The following HPSE2 variants were observed in gnomAD, a reference collection of about 807,000 sequenced individuals.
HPSE2 encodes the protein inactive heparanase-2.
Under a neutral mutation model 60.5 loss-of-function variants are expected in HPSE2, and 38 were observed. The observed-to-expected ratio is 0.63, with a 90% CI of 0.48 to 0.82. HPSE2 has a LOEUF of 0.82. Ranked by LOEUF, HPSE2 falls within the 40% of genes least tolerant of loss-of-function variation. HPSE2 has a pLI of 0.00. For missense variants in HPSE2, 713 were observed against 740.4 expected, an observed-to-expected ratio of 0.96 and a Z score of 0.43; for synonymous variants, 295 against 293.2, an observed-to-expected ratio of 1.01 and a Z score of -0.06.
rs114187994 is a variant in HPSE2, at chr10:98,604,427, T to C, written c.1320+10477A>G. Among the ~76,000 whole-genome samples, 300 of 152,166 alleles carry C rather than the reference T, an allele frequency of 2.0e-3. 2 individuals carry two copies. Among genetic ancestry groups the C allele is most frequent in the African/African-American group, 6.7e-3 (278 of 41,526 alleles). ...ATCTCTGAATTTGAGGATATATCAA[T>C]AGAAATCTCCCAAATTGAACAGCAA... is the stretch of plus-strand genomic sequence containing the variant. On this transcript the variant is annotated intron_variant, in intron 9 of 11. Coordinates refer to ENST00000370552, the MANE Select transcript of HPSE2 (RefSeq NM_021828.5).
intron 3 of HPSE2, among the ~76,000 whole-genome samples, chr10:98,881,239 C>A (rs1953014507): frequency 6.6e-6 from 1 of 152,024 alleles, no homozygotes; most frequent in Admixed American, 6.6e-5. Flanking sequence ...AAGCAGTTGG[C>A]TCTGTTCTTA....
intron 3 of HPSE2, among the ~76,000 whole-genome samples, chr10:98,925,217 T>A (rs1180454020): frequency 1.3e-5 from 2 of 152,174 alleles, no homozygotes; most frequent in Admixed American, 1.3e-4. Flanking sequence ...GCACACTTGA[T>A]TGTTGGTTTT....
chr10:98,879,846 CATGTGCGTGTGTGT>C (rs1175675686), intron 3 of HPSE2, among the ~76,000 whole-genome samples: 2 of 104,320 alleles, frequency 1.9e-5, no homozygotes, highest in Non-Finnish European at 4.1e-5. Flanking sequence ...AGTTGGTGTG[CATGTGCGTGTGTGT>C]GTGTGTGTGT....
chr10:99,178,930 T>A (rs1282356264), intron 2 of HPSE2, among the ~76,000 whole-genome samples: 1 of 152,214 alleles, frequency 6.6e-6, no homozygotes, highest in Non-Finnish European at 1.5e-5. Context: ...CACGATCAAG[T>A]TGGCTTCATC....
intron 3 of HPSE2, among the ~76,000 whole-genome samples, chr10:98,749,464 T>C (rs1949703981): frequency 1.3e-5 from 2 of 151,334 alleles, no homozygotes; most frequent in South Asian, 4.2e-4. Context: ...CATGCATATA[T>C]ACATATATAC....
intron 9 of HPSE2, among the ~76,000 whole-genome samples, chr10:98,587,623 T>G (rs1244699126): frequency 6.6e-6 from 1 of 152,164 alleles, no homozygotes; most frequent in Non-Finnish European, 1.5e-5. Flanking sequence ...TTGAGTACAA[T>G]TCCTCCTCTT....
chr10:99,004,851 C>A (rs1457884446), intron 3 of HPSE2, among the ~76,000 whole-genome samples: 2 of 152,114 alleles, frequency 1.3e-5, no homozygotes. Flanking sequence ...ACTCCCTCAG[C>A]TTTTATTTGT....
At chr10:98,690,414 A>G (rs139063452) in intron 6 of HPSE2, among the ~76,000 whole-genome samples, 53,477 of 151,660 alleles carry the variant, frequency 0.35, 9,615 homozygotes, top group Admixed American at 0.41. Context: ...GGTGGTGGGT[A>G]CCTGTAGTCC....
intron 3 of HPSE2, among the ~76,000 whole-genome samples, chr10:99,057,209 A>G (rs1958134234): frequency 1.3e-5 from 2 of 152,142 alleles, no homozygotes; most frequent in Non-Finnish European, 2.9e-5. Flanking sequence ...ATTTTACTTC[A>G]ATTTTTTAAA....
At chr10:99,134,478 C>T (rs1845566630) in intron 3 of HPSE2, among the ~76,000 whole-genome samples, 1 of 152,138 alleles carries the variant, frequency 6.6e-6, no homozygotes, top group Non-Finnish European at 1.5e-5. Context: ...AGAGAAAGTT[C>T]GGGTTACCCA....
At chr10:99,266,505 GA>G in the HPSE2 span, among the ~76,000 whole-genome samples, 34 of 152,028 alleles carry the variant, frequency 2.2e-4, no homozygotes, top group Non-Finnish European at 4.6e-4. Context: ...TACCCAAGGA[GA>G]GTCTCAGCTC....
chr10:98,917,877 T>G (rs1042987619), intron 3 of HPSE2, among the ~76,000 whole-genome samples: 1 of 152,226 alleles, frequency 6.6e-6, no homozygotes, highest in African/African-American at 2.4e-5. Context: ...GGAATTTTAA[T>G]GAAGAGCCAG....
In HPSE2 at chr10:98,571,208, T is replaced by C. The variant is rs77300763; in HGVS notation, c.1320+43696A>G. The stretch of plus-strand genomic sequence containing the variant: ...CTGCCTGGTACAATAATCCTGTGGA[T>C]TAAGCATGGGGACCTGCCAGGCATG... On this transcript the variant is annotated intron_variant, in intron 9 of 11. Coordinates refer to ENST00000370552, the MANE Select transcript of HPSE2 (RefSeq NM_021828.5). Among the ~76,000 whole-genome samples, 1,013 of 152,246 alleles carry C rather than the reference T, an allele frequency of 6.7e-3. 18 individuals carry two copies. Among genetic ancestry groups the C allele is most frequent in the Admixed American group, 0.029 (443 of 15,278 alleles).
intron 6 of HPSE2, among the ~76,000 whole-genome samples, chr10:98,677,250 T>C (rs7090554): frequency 0.35 from 53,762 of 152,118 alleles, 9,735 homozygotes; most frequent in Admixed American, 0.41. Flanking sequence ...ACATAGTAGG[T>C]GCTCAGTAAC....
chr10:98,579,864 A>G (rs1458048498), intron 9 of HPSE2, among the ~76,000 whole-genome samples: 1 of 152,150 alleles, frequency 6.6e-6, no homozygotes, highest in Non-Finnish European at 1.5e-5. Flanking sequence ...TCTCTAATAT[A>G]CTACCTGTTT....
At chr10:99,099,262 A>G (rs185902876) in intron 3 of HPSE2, among the ~76,000 whole-genome samples, 11 of 152,316 alleles carry the variant, frequency 7.2e-5, no homozygotes, top group Admixed American at 7.2e-4. Flanking sequence ...GCTGTGACAG[A>G]CGGCACCTGG....
intron 3 of HPSE2, among the ~76,000 whole-genome samples, chr10:98,923,976 C>T (rs1954368564): frequency 6.6e-6 from 1 of 152,120 alleles, no homozygotes. Flanking sequence ...AGTTCTTTGG[C>T]ATCTGGGCAT....
At chr10:98,732,051 A>G (rs1949241626) in intron 4 of HPSE2, among the ~76,000 whole-genome samples, 1 of 152,202 alleles carries the variant, frequency 6.6e-6, no homozygotes, top group Non-Finnish European at 1.5e-5. Context: ...CATCAAAAAG[A>G]ATAGTATACT....
intron 3 of HPSE2, among the ~76,000 whole-genome samples, chr10:98,985,110 G>A (rs182366742): frequency 5.0e-4 from 76 of 152,250 alleles, no homozygotes; most frequent in Admixed American, 2.5e-3. Context: ...AGCAAGGCAC[G>A]CCAACATTCA....
Sources: allele counts gnomAD v4.1 joint callset (sites outside exome capture counted in the v4.1 genomes callset), GRCh38; gene constraint gnomAD v4.1.1; transcripts MANE v1.5; gene names NCBI Gene and HGNC (gene_info 2026-07-23, HGNC 2026-07-21).